The following ZNF827 variants were observed in gnomAD, a reference collection of about 807,000 sequenced individuals.
ZNF827 encodes the protein zinc finger protein 827.
In ZNF827, 13 loss-of-function variants were observed where a neutral mutation model predicts 102.4. The observed-to-expected ratio is 0.13, with a 90% CI of 0.08 to 0.20. The LOEUF is 0.20. Ranked by LOEUF, ZNF827 falls within the 10% of genes least tolerant of loss-of-function variation. The probability of loss-of-function intolerance (pLI) is 1.00; values close to 1 mark genes in which losing one functional copy is unlikely to be tolerated. For missense variants in ZNF827, 1,103 were observed against 1,344.4 expected (o/e 0.82, Z 2.81); for synonymous variants, 523 against 536.2 (o/e 0.98, Z 0.34).
chr4:145,934,110 T>C (rs1753992027), intron 1 of ZNF827, among the ~76,000 whole-genome samples: 1 of 152,204 alleles, frequency 6.6e-6, no homozygotes, highest in Admixed American at 6.5e-5. Flanking sequence ...TAGAATCATA[T>C]TTAAATCCCA....
At chr4:145,928,789 A>G (rs966613239) in intron 1 of ZNF827, among the ~76,000 whole-genome samples, 1 of 152,230 alleles carries the variant, frequency 6.6e-6, no homozygotes, top group African/African-American at 2.4e-5. Context: ...AATGCAGAAC[A>G]GTTTCTAATC....
At chr4:145,937,372 G>A (rs940591023) in intron 1 of ZNF827, among the ~76,000 whole-genome samples, 10 of 151,996 alleles carry the variant, frequency 6.6e-5, no homozygotes, top group Admixed American at 2.6e-4. Context: ...CTGAGAGCCC[G>A]AGTCTCGCCC....
intron 13 of ZNF827, among the ~76,000 whole-genome samples, chr4:145,764,098 T>C (rs1333853092): frequency 6.7e-6 from 1 of 150,202 alleles, no homozygotes; most frequent in Non-Finnish European, 1.5e-5. Context: ...AAACAAAAGG[T>C]TTTTTCCCCC....
At chr4:145,845,625 C>T (rs114229421) in intron 7 of ZNF827, among the ~76,000 whole-genome samples, 11 of 152,230 alleles carry the variant, frequency 7.2e-5, no homozygotes, top group African/African-American at 2.2e-4. Context: ...CTGAGCCACC[C>T]GGCTCAACTC....
intron 8 of ZNF827, among the ~76,000 whole-genome samples, chr4:145,810,993 CTT>C (rs34011180): frequency 8.7e-4 from 120 of 137,842 alleles, no homozygotes; most frequent in Middle Eastern, 3.6e-3. Flanking sequence ...ACTCATTTCG[CTT>C]TTTTTTTTTT....
At chr4:145,840,495 A>G (rs1745300619) in intron 7 of ZNF827, among the ~76,000 whole-genome samples, 1 of 152,250 alleles carries the variant, frequency 6.6e-6, no homozygotes, top group Non-Finnish European at 1.5e-5. Context: ...AATTAGTAGC[A>G]ATTTCCATTC....
chr4:145,765,468 C>T lies in ZNF827; in HGVS notation c.3052+79G>A, dbSNP rs1390573091. ...CCTATTATCAGTTTTTGACATCGCT[C>T]CTGTGCAGGGCTTATTCTCAAGAAT... is the stretch of plus-strand genomic sequence containing the variant. On this transcript the variant is annotated intron_variant, in intron 12 of 14. Transcript: ENST00000508784. The surrounding 1 kb of genome is among the most constrained non-coding windows in gnomAD (Gnocchi z 4.7). 6 of 1,494,154 alleles carry T rather than the reference C, an allele frequency of 4.0e-6. No homozygotes were observed. The African/African-American group carries it at 5.6e-5, about 14-fold the overall frequency. The allele number at this position is 1,494,154 out of a possible 1,614,324, so 92.6% of individuals were successfully genotyped here.
At chr4:145,818,456 A>G (rs2126457954) in intron 8 of ZNF827, among the ~76,000 whole-genome samples, 1 of 152,364 alleles carries the variant, frequency 6.6e-6, no homozygotes, top group East Asian at 1.9e-4. Flanking sequence ...TGACAATTTA[A>G]TAGATCCTTG....
intron 4 of ZNF827, 29 bp downstream of exon 4, chr4:145,885,648 GA>G (rs753939975): frequency 2.1e-6 from 3 of 1,437,378 alleles, no homozygotes; most frequent in Middle Eastern, 1.9e-4. Flanking sequence ...GAGAGAGAGA[GA>G]GAGAGAGAAT....
chr4:145,878,744 G>A (rs186540775), intron 4 of ZNF827, among the ~76,000 whole-genome samples: 125 of 151,416 alleles, frequency 8.3e-4, no homozygotes, highest in Admixed American at 1.2e-3. Context: ...AGGAAGGGAG[G>A]AAGGGCGGAA....
At position 145,902,431 on chromosome 4, in the gene ZNF827, G is replaced by A; in HGVS notation, c.828C>T (p.Ser276=). 1 of 1,614,210 alleles carries A rather than the reference G, an allele frequency of 6.2e-7. No individual in the cohort carries two copies. The highest frequency in any genetic ancestry group is 2.2e-5 in the East Asian group (1 of 44,882). Residue 276 remains serine (S), a synonymous_variant, in exon 2 of 15, where the codon AGC becomes AGT. Coordinates refer to ENST00000508784, the MANE Select transcript of ZNF827 (RefSeq NM_001306215.2). This position sits in a 1 kb window ranked among gnomAD's most constrained non-coding sequence, Gnocchi z 4.3. The part of the protein sequence containing the change: ...TPGQEHPPPA[S]SFLSLASMTS... Reference sequence around the variant, plus strand: ...TCATAGAAGCCAGGGAAAGGAAGGAGCTGGCCGGTGGAGGGTGCTCCTGAC... The same window carrying A: ...TCATAGAAGCCAGGGAAAGGAAGGAACTGGCCGGTGGAGGGTGCTCCTGAC...
intron 5 of ZNF827, among the ~76,000 whole-genome samples, chr4:145,857,419 C>T (rs978608865): frequency 3.9e-5 from 6 of 152,170 alleles, no homozygotes; most frequent in African/African-American, 1.4e-4. Context: ...TTGCTTTACT[C>T]TTACGTAGAT....
At chr4:145,845,343 T>G (rs1745825742) in intron 7 of ZNF827, among the ~76,000 whole-genome samples, 1 of 152,242 alleles carries the variant, frequency 6.6e-6, no homozygotes, top group Non-Finnish European at 1.5e-5. Flanking sequence ...CAGCCCACAC[T>G]GGCTAACCTC....
In ZNF827 at chr4:145,764,996, A is replaced by AC; in HGVS notation, c.3221dup (p.Gly1075TrpfsTer14). 6.2e-7 allele frequency: 1 copy of AC among 1,612,842 alleles called. No individual in the cohort carries two copies. The highest frequency in any genetic ancestry group is 8.5e-7 in the Non-Finnish European group (1 of 1,179,396). ...GTACTTGCTTTCCTTACTTGAGCCC[A>AC]CCGGTGGGGACAGTGTGGCATTTCT... On this transcript the variant is annotated frameshift_variant, in exon 13 of 15. Coordinates refer to ENST00000508784, the MANE Select transcript of ZNF827 (RefSeq NM_001306215.2). LOFTEE classifies it high-confidence loss of function.
At chr4:145,795,638 C>T (rs1387848646) in intron 8 of ZNF827, among the ~76,000 whole-genome samples, 1 of 152,220 alleles carries the variant, frequency 6.6e-6, no homozygotes, top group African/African-American at 2.4e-5. Flanking sequence ...TTGGATCTCA[C>T]TGCATGAATT....
intron 8 of ZNF827, among the ~76,000 whole-genome samples, chr4:145,800,299 T>C (rs1440726510): frequency 6.6e-6 from 1 of 151,838 alleles, no homozygotes; most frequent in Non-Finnish European, 1.5e-5. Context: ...TTGAGAAGTT[T>C]CCAGAAATAC....
Position 145,938,685 on chromosome 4 carries a change from C to T in ZNF827, c.-278G>A, listed in dbSNP as rs1474736300. 2.9e-5 allele frequency: 14 copies of T among 478,000 alleles called. No individual in the cohort carries two copies. In the Admixed American group the frequency reaches 3.5e-4, roughly 12 times the overall value. The allele number at this position is 478,000 out of a possible 1,614,324, so 29.6% of individuals were successfully genotyped here. A position where few individuals can be genotyped will look rare whatever the true frequency, so the allele number is the denominator to read the frequency against. On this transcript the variant is annotated 5_prime_UTR_variant, in exon 1 of 15. Coordinates refer to ENST00000508784, the MANE Select transcript of ZNF827 (RefSeq NM_001306215.2). ...GCTTGTCCCCGAGCGTAATATTCTT[C>T]AATGGAAACGGATCTAATAGGTGTG...
chr4:145,930,317 C>A (rs1753709629), intron 1 of ZNF827, among the ~76,000 whole-genome samples: 2 of 152,168 alleles, frequency 1.3e-5, no homozygotes, highest in South Asian at 4.1e-4. Flanking sequence ...CCTTTGAAGG[C>A]CAGCTTCTTC....
intron 2 of ZNF827, among the ~76,000 whole-genome samples, chr4:145,895,518 T>G (rs535636908): frequency 9.1e-4 from 139 of 152,200 alleles, no homozygotes; most frequent in African/African-American, 3.0e-3. Flanking sequence ...CTGCAAGAAA[T>G]GTGGTCAAAT....
Sources: gnomAD v4.1 joint callset for allele counts (sites outside exome capture counted in the v4.1 genomes callset) on GRCh38, gnomAD v4.1.1 for gene constraint, Gnocchi (gnomAD v3.1) non-coding constraint, MANE v1.5 for transcripts, NCBI Gene and HGNC (gene_info 2026-07-23, HGNC 2026-07-21) for gene names.